The following MRPS27 variants were observed in gnomAD, a reference collection of about 807,000 sequenced individuals.
MRPS27 encodes the protein mitochondrial ribosomal protein S27.
In MRPS27, 43 loss-of-function variants were observed where a neutral mutation model predicts 48.9. That is an observed-to-expected ratio of 0.88 (90% CI 0.69 to 1.13). The LOEUF (loss-of-function observed/expected upper bound fraction) is 1.13. MRPS27 is among the 50% of genes most tolerant of loss of function. The pLI is 0.00. For missense variants in MRPS27, 467 were observed against 476.3 expected (o/e 0.98, Z 0.18); for synonymous variants, 188 against 171.9 (o/e 1.09, Z -0.73).
chr5:72,270,948 T>C (rs896487077), intron 4 of MRPS27, among the ~76,000 whole-genome samples: 4 of 152,138 alleles, frequency 2.6e-5, no homozygotes, highest in Admixed American at 6.5e-5. Context: ...CCATGTTTGA[T>C]TGAAAACTCT....
At chr5:72,232,636 C>A in intron 6 of MRPS27, 78 bp from the exon 7 acceptor site, 2 of 1,003,922 alleles carry the variant, frequency 2.0e-6, no homozygotes, top group South Asian at 1.5e-5. Flanking sequence ...ACTATAAACA[C>A]TCTTAAAACG....
chr5:72,286,181 C>T (rs538614096), intron 4 of MRPS27, among the ~76,000 whole-genome samples: 2 of 152,052 alleles, frequency 1.3e-5, no homozygotes, highest in East Asian at 1.9e-4. Context: ...AATGCATGTG[C>T]GTGTGTGTAT....
intron 4 of MRPS27, among the ~76,000 whole-genome samples, chr5:72,250,097 A>G (rs1748625172): frequency 6.6e-6 from 1 of 152,272 alleles, no homozygotes; most frequent in South Asian, 2.1e-4. Context: ...TCCCATGTAT[A>G]TAACACTGAT....
chr5:72,258,083 C>CA (rs1030737219), intron 4 of MRPS27, among the ~76,000 whole-genome samples: 16,378 of 60,450 alleles, frequency 0.27, 1,701 homozygotes, highest in Admixed American at 0.34. Context: ...GACTCTGTCT[C>CA]AAAAAAAAAA....
chr5:72,283,481 G>T (rs1251474584), intron 4 of MRPS27, among the ~76,000 whole-genome samples: 1 of 152,172 alleles, frequency 6.6e-6, no homozygotes, highest in Admixed American at 6.5e-5. Flanking sequence ...GCTTGGACTT[G>T]TCACATGGCT....
At chr5:72,293,107 C>G (rs776140511) in intron 4 of MRPS27, among the ~76,000 whole-genome samples, 2 of 152,060 alleles carry the variant, frequency 1.3e-5, no homozygotes, top group Non-Finnish European at 2.9e-5. Context: ...GAGTTTATAA[C>G]TTGTAATTTT....
At chr5:72,242,761 A>G (rs2111969320) in intron 4 of MRPS27, among the ~76,000 whole-genome samples, 1 of 152,118 alleles carries the variant, frequency 6.6e-6, no homozygotes, top group East Asian at 1.9e-4. Flanking sequence ...AAAAAAAGGA[A>G]AATATAGCCT....
Position 72,304,016 on chromosome 5 carries a change from A to G in MRPS27, c.152-6314T>C, listed in dbSNP as rs768619744. Among the ~76,000 whole-genome samples, 9 of 152,024 alleles carry G rather than the reference A, an allele frequency of 5.9e-5. 1 individual carries two copies. Among genetic ancestry groups the G allele is most frequent in the South Asian group, 4.1e-4 (2 of 4,822 alleles). The stretch of plus-strand genomic sequence containing the variant: ...AATAAAATTGGTTAAATTGGGGGGG[A>G]ACTGACTGTTTAAAATAATGTTATA... On this transcript the variant is annotated intron_variant, in intron 2 of 10. Coordinates refer to ENST00000261413, the MANE Select transcript of MRPS27 (RefSeq NM_015084.3).
chr5:72,235,430 T>C (rs1411539388), intron 5 of MRPS27, among the ~76,000 whole-genome samples: 1 of 152,138 alleles, frequency 6.6e-6, no homozygotes, highest in Non-Finnish European at 1.5e-5. Context: ...GGTGGATACA[T>C]GTCATTATAC....
chr5:72,282,015 A>G (rs1275581670), intron 4 of MRPS27, among the ~76,000 whole-genome samples: 2 of 152,206 alleles, frequency 1.3e-5, no homozygotes, highest in African/African-American at 2.4e-5. Flanking sequence ...TAAAATGGTG[A>G]TACTATTTGT....
intron 4 of MRPS27, among the ~76,000 whole-genome samples, chr5:72,242,428 G>A (rs79586065): frequency 4.8e-4 from 58 of 120,714 alleles, no homozygotes; most frequent in South Asian, 5.7e-4. Flanking sequence ...GATCAAGAGT[G>A]AAAAAAAAAA....
chr5:72,301,569 G>A (rs1168422005), intron 2 of MRPS27, among the ~76,000 whole-genome samples: 1 of 152,194 alleles, frequency 6.6e-6, no homozygotes, highest in African/African-American at 2.4e-5. Flanking sequence ...CATGCACAAT[G>A]TATAACCAAA....
At chr5:72,320,125 G>T (rs753565539) in intron 1 of MRPS27, 24 bp downstream of exon 1, 9 of 1,607,544 alleles carry the variant, frequency 5.6e-6, no homozygotes, top group Non-Finnish European at 7.7e-6. Context: ...ATAATCAGGG[G>T]CCTAATGAAG....
intron 4 of MRPS27, among the ~76,000 whole-genome samples, chr5:72,270,154 T>C (rs1749198063): frequency 6.7e-6 from 1 of 150,040 alleles, no homozygotes; most frequent in African/African-American, 2.4e-5. Flanking sequence ...GATTGCATCA[T>C]TATGCTCCAG....
intron 4 of MRPS27, among the ~76,000 whole-genome samples, chr5:72,245,594 G>A (rs561686702): frequency 1.3e-5 from 2 of 152,218 alleles, no homozygotes; most frequent in South Asian, 4.2e-4. Context: ...AAAAAAGGAG[G>A]AAAACAAAGG....
chr5:72,307,576 T>C (rs781051256), intron 2 of MRPS27, among the ~76,000 whole-genome samples: 1 of 151,966 alleles, frequency 6.6e-6, no homozygotes. Context: ...GTAATAAAGA[T>C]AAAATAAAGA....
At chr5:72,271,506 G>GA (rs1398293569) in intron 4 of MRPS27, among the ~76,000 whole-genome samples, 1 of 152,058 alleles carries the variant, frequency 6.6e-6, no homozygotes, top group Non-Finnish European at 1.5e-5. Flanking sequence ...TTCATGTCAA[G>GA]AAACACTCAC....
chr5:72,318,173 C>T (rs1750611994), intron 1 of MRPS27, among the ~76,000 whole-genome samples: 1 of 152,232 alleles, frequency 6.6e-6, no homozygotes, highest in South Asian at 2.1e-4. Flanking sequence ...TAATACCTAA[C>T]ACAATGTAAA....
At chr5:72,275,558 A>G (rs1201453236) in intron 4 of MRPS27, among the ~76,000 whole-genome samples, 2 of 152,234 alleles carry the variant, frequency 1.3e-5, no homozygotes, top group East Asian at 3.8e-4. Flanking sequence ...ACCCAAAAAG[A>G]GCCCATATAG....
Sources: gnomAD v4.1 joint callset for allele counts (sites outside exome capture counted in the v4.1 genomes callset) on GRCh38, gnomAD v4.1.1 for gene constraint, MANE v1.5 for transcripts, NCBI Gene and HGNC (gene_info 2026-07-23, HGNC 2026-07-21) for gene names.